Variants in GNAO1 observed in about 807,000 individuals in gnomAD.
The protein encoded by GNAO1 is G protein subunit alpha o1, also known as guanine nucleotide-binding protein G(o) subunit alpha.
For missense variants in GNAO1, 166 were observed against 478.7 expected (o/e 0.35, Z 6.10); for synonymous variants, 164 against 180.7 (o/e 0.91, Z 0.74).
At chr16:56,230,079 A>G (rs1440883585) in intron 2 of GNAO1, among the ~76,000 whole-genome samples, 7 of 152,280 alleles carry the variant, frequency 4.6e-5, no homozygotes, top group Non-Finnish European at 8.8e-5. Flanking sequence ...TTTTACAGGA[A>G]AAATGATGCT....
chr16:56,296,356 C>T (rs1265754426), intron 3 of GNAO1, among the ~76,000 whole-genome samples: 1 of 152,102 alleles, frequency 6.6e-6, no homozygotes, highest in Admixed American at 6.6e-5. Flanking sequence ...GCCAGAGCGA[C>T]GGGCTGGAAT....
chr16:56,296,134 G>A (rs1274875274), intron 3 of GNAO1, among the ~76,000 whole-genome samples: 1 of 152,222 alleles, frequency 6.6e-6, no homozygotes, highest in East Asian at 1.9e-4. Flanking sequence ...GATTAAGTTT[G>A]AATTTGTGTT....
At chr16:56,333,576 G>C (rs1390132645) in intron 4 of GNAO1, among the ~76,000 whole-genome samples, 1 of 152,230 alleles carries the variant, frequency 6.6e-6, no homozygotes, top group East Asian at 1.9e-4. Flanking sequence ...CCACCCTTCT[G>C]TTTTCTTTTC....
At chr16:56,318,449 G>T (rs2037536699) in intron 3 of GNAO1, among the ~76,000 whole-genome samples, 3 of 152,226 alleles carry the variant, frequency 2.0e-5, no homozygotes, top group Admixed American at 2.0e-4. Flanking sequence ...TGGCTCGGCG[G>T]GTCCAGCTCA....
chr16:56,306,224 A>G (rs979081573), intron 3 of GNAO1, among the ~76,000 whole-genome samples: 9 of 152,224 alleles, frequency 5.9e-5, no homozygotes, highest in Non-Finnish European at 1.3e-4. Flanking sequence ...AAGGTCAGTC[A>G]GAAGCCTTCC....
chr16:56,341,209 C>T (rs562639154), intron 6 of GNAO1, among the ~76,000 whole-genome samples: 51 of 152,300 alleles, frequency 3.3e-4, no homozygotes, highest in African/African-American at 1.2e-3. Context: ...CTGCCACTTA[C>T]GAGCTGTGTG....
chr16:56,313,168 C>T (rs1481560860), intron 3 of GNAO1, among the ~76,000 whole-genome samples: 3 of 152,110 alleles, frequency 2.0e-5, no homozygotes, highest in African/African-American at 4.8e-5. Flanking sequence ...ATTACTCATT[C>T]GGTGATGCAG....
chr16:56,293,267 G>A (rs1256602197), intron 3 of GNAO1, among the ~76,000 whole-genome samples: 4 of 152,262 alleles, frequency 2.6e-5, no homozygotes, highest in African/African-American at 9.6e-5. Context: ...ACTGGAAGCA[G>A]CACCTCTGCT....
chr16:56,229,858 G>C (rs1311867149), intron 2 of GNAO1, among the ~76,000 whole-genome samples: 1 of 152,142 alleles, frequency 6.6e-6, no homozygotes, highest in African/African-American at 2.4e-5. Context: ...ATCCTAGCTT[G>C]TTACACTCTT....
chr16:56,209,274 A>C (rs567513260), intron 2 of GNAO1, among the ~76,000 whole-genome samples: 1 of 152,168 alleles, frequency 6.6e-6, no homozygotes, highest in African/African-American at 2.4e-5. Flanking sequence ...CATGTATGTG[A>C]TAAGCATGCA....
chr16:56,313,184 T>G (rs1461971109), intron 3 of GNAO1, among the ~76,000 whole-genome samples: 2 of 152,238 alleles, frequency 1.3e-5, no homozygotes, highest in African/African-American at 2.4e-5. Flanking sequence ...TGCAGGACTT[T>G]GGCAGAACTT....
intron 2 of GNAO1, among the ~76,000 whole-genome samples, chr16:56,236,602 G>C (rs1490260180): frequency 6.6e-6 from 1 of 152,168 alleles, no homozygotes; most frequent in Non-Finnish European, 1.5e-5. Context: ...TCCCAGTCCA[G>C]TGCCCTTTTC....
chr16:56,337,954 C>A (rs1460725875), intron 6 of GNAO1, among the ~76,000 whole-genome samples: 1 of 152,204 alleles, frequency 6.6e-6, no homozygotes, highest in East Asian at 1.9e-4. Context: ...CCACCCCACG[C>A]CTCTGAAGGC....
intron 3 of GNAO1, among the ~76,000 whole-genome samples, chr16:56,278,950 C>T (rs2143528454): frequency 6.6e-6 from 1 of 152,294 alleles, no homozygotes. Context: ...CAGCCACTCT[C>T]CACCTAGGGG....
At chr16:56,237,649 A>G (rs1170204996) in intron 2 of GNAO1, among the ~76,000 whole-genome samples, 1 of 152,214 alleles carries the variant, frequency 6.6e-6, no homozygotes, top group Non-Finnish European at 1.5e-5. Context: ...TTTTCCCTCT[A>G]ACAATAACAG....
intron 3 of GNAO1, among the ~76,000 whole-genome samples, chr16:56,318,921 G>A (rs1302064683): frequency 6.6e-6 from 1 of 152,196 alleles, no homozygotes; most frequent in South Asian, 2.1e-4. Context: ...GGAGTAGTGA[G>A]AGAACAGAGG....
chr16:56,342,425 C>G (rs1375444572), intron 6 of GNAO1, among the ~76,000 whole-genome samples: 1 of 152,210 alleles, frequency 6.6e-6, no homozygotes, highest in East Asian at 1.9e-4. Flanking sequence ...CTGCTTGCAC[C>G]TGGCATGGAT....
In GNAO1 at chr16:56,337,365, G is replaced by A. The variant is rs144203690; in HGVS notation, c.723+505G>A. On this transcript the variant is annotated intron_variant, in intron 6 of 8. Transcript: ENST00000262493. ...GAGTTGCGTGGGGTTGGGGGTGCTG[G>A]GGAGCAGTGTGTGGGGCTGATGGGC... 3.5e-3 allele frequency among the ~76,000 whole-genome samples: 529 copies of A among 152,310 alleles called. 1 individual carries two copies. Among genetic ancestry groups the A allele is most frequent in the African/African-American group, 0.012 (504 of 41,570 alleles).
At chr16:56,240,640 A>G (rs1223599777) in intron 2 of GNAO1, among the ~76,000 whole-genome samples, 1 of 152,122 alleles carries the variant, frequency 6.6e-6, no homozygotes, top group African/African-American at 2.4e-5. Context: ...CAAGTCCTCC[A>G]TGTAATGCCT....
Sources: gnomAD v4.1 joint callset for allele counts (sites outside exome capture counted in the v4.1 genomes callset) on GRCh38, gnomAD v4.1.1 for gene constraint, MANE v1.5 for transcripts, NCBI Gene and HGNC (gene_info 2026-07-23, HGNC 2026-07-21) for gene names.